Variants in INPP5A observed in about 807,000 individuals in gnomAD.
The protein encoded by INPP5A is 43 kDa inositol polyphosphate 5-phophatase.
A neutral mutation model predicts 65.2 loss-of-function variants in INPP5A; 14 were observed. The observed-to-expected ratio is 0.21, with a 90% CI of 0.14 to 0.34. INPP5A has a LOEUF of 0.34. Ranked by LOEUF, INPP5A falls within the 10% of genes least tolerant of loss-of-function variation. The probability of loss-of-function intolerance (pLI) is 1.00; values close to 1 mark genes in which losing one functional copy is unlikely to be tolerated. For synonymous variants in INPP5A, 207 were observed against 208.3 expected (o/e 0.99, Z 0.05); for missense variants, 431 against 545.6 (o/e 0.79, Z 2.09).
At chr10:132,736,127 C>T (rs1286893992) in intron 9 of INPP5A, among the ~76,000 whole-genome samples, 3 of 152,258 alleles carry the variant, frequency 2.0e-5, no homozygotes, top group Non-Finnish European at 4.4e-5. Context: ...ACACGCCAGT[C>T]GTGTGCCATC....
rs1276715265 is a variant in INPP5A, at chr10:132,538,254, C to T, written c.75+83C>T. On this transcript the variant is annotated intron_variant, in intron 1 of 15. Transcript: ENST00000368594. This position sits in a 1 kb window ranked among gnomAD's most constrained non-coding sequence, Gnocchi z 4.1. Reference sequence around the variant, plus strand: ...GGGTCCCGAACTGCAAGCCTTGGACCCTGGACCGTGAACCTCCAGACCCAG... The same window carrying T: ...GGGTCCCGAACTGCAAGCCTTGGACTCTGGACCGTGAACCTCCAGACCCAG... The T allele has an allele frequency of 1.6e-5, 13 of 812,648 alleles. No individual in the cohort carries two copies. Among genetic ancestry groups the T allele is most frequent in the Middle Eastern group, 3.4e-4 (1 of 2,930 alleles). The allele number at this position is 812,648 out of a possible 1,614,324, so 50.3% of individuals were successfully genotyped here. A position where few individuals can be genotyped will look rare whatever the true frequency, so the allele number is the denominator to read the frequency against.
At chr10:132,681,396 C>T (rs1280629773) in intron 4 of INPP5A, among the ~76,000 whole-genome samples, 6 of 152,082 alleles carry the variant, frequency 3.9e-5, no homozygotes, top group East Asian at 1.9e-4. Context: ...ACACTCACCG[C>T]GAAGATCTGC....
chr10:132,661,138 G>T (rs915664142), intron 4 of INPP5A, among the ~76,000 whole-genome samples: 1 of 152,148 alleles, frequency 6.6e-6, no homozygotes, highest in Non-Finnish European at 1.5e-5. Flanking sequence ...CCAGCTGCAT[G>T]CTCCCACCTC....
intron 1 of INPP5A, among the ~76,000 whole-genome samples, chr10:132,577,381 G>A (rs2071423431): frequency 1.3e-5 from 2 of 152,218 alleles, no homozygotes; most frequent in Non-Finnish European, 2.9e-5. Flanking sequence ...AAAGGTGGTG[G>A]GGTACCTGGC....
intron 8 of INPP5A, 118 bp downstream of exon 8, chr10:132,710,574 G>A (rs111857072): frequency 1.5e-6 from 2 of 1,360,396 alleles, no homozygotes; most frequent in South Asian, 1.4e-5. Context: ...GTCGGTGTGG[G>A]TGGACAGGTA....
At chr10:132,709,805 C>G (rs1302408689) in intron 7 of INPP5A, among the ~76,000 whole-genome samples, 1 of 152,222 alleles carries the variant, frequency 6.6e-6, no homozygotes, top group Non-Finnish European at 1.5e-5. Context: ...GCTGAGGGTC[C>G]CCTGCAGTGT....
At chr10:132,669,813 A>G (rs1216242762) in intron 4 of INPP5A, among the ~76,000 whole-genome samples, 3 of 151,860 alleles carry the variant, frequency 2.0e-5, no homozygotes, top group Non-Finnish European at 2.9e-5. Context: ...CTGGAAGGGC[A>G]TTGTTCCCGT....
Position 132,603,111 on chromosome 10 carries a change from G to A in INPP5A, c.76-4804G>A, listed in dbSNP as rs745599960. Among the ~76,000 whole-genome samples the A allele has an allele frequency of 6.6e-6, 1 of 152,170 alleles. No homozygotes were observed. The highest frequency in any genetic ancestry group is 1.5e-5 in the Non-Finnish European group (1 of 68,032). Reference sequence around the variant, plus strand: ...AATTAATGCCTCTTCCCTCAACAGTGTGAAATGCCTCAATCTCTCCTGCTG... The same window carrying A: ...AATTAATGCCTCTTCCCTCAACAGTATGAAATGCCTCAATCTCTCCTGCTG... On this transcript the variant is annotated intron_variant, in intron 1 of 15. Coordinates refer to ENST00000368594, the MANE Select transcript of INPP5A (RefSeq NM_005539.5). The surrounding 1 kb of genome is among the most constrained non-coding windows in gnomAD (Gnocchi z 4.2).
At chr10:132,730,242 C>T (rs761316839) in intron 9 of INPP5A, among the ~76,000 whole-genome samples, 2 of 152,226 alleles carry the variant, frequency 1.3e-5, no homozygotes, top group Non-Finnish European at 1.5e-5. Context: ...TGCCCTGGAC[C>T]GGCCAGGCCC....
chr10:132,657,939 G>C (rs2072681212), intron 4 of INPP5A, among the ~76,000 whole-genome samples: 1 of 152,228 alleles, frequency 6.6e-6, no homozygotes, highest in African/African-American at 2.4e-5. Context: ...TCTCCTCAGC[G>C]GGCAGGTAAT....
chr10:132,736,302 C>T (rs763739270), intron 9 of INPP5A, among the ~76,000 whole-genome samples: 4 of 152,250 alleles, frequency 2.6e-5, no homozygotes, highest in Non-Finnish European at 4.4e-5. Context: ...CAGGCGCACC[C>T]GTCTCCACGC....
At chr10:132,629,127 T>G (rs2072231794) in intron 2 of INPP5A, among the ~76,000 whole-genome samples, 1 of 152,200 alleles carries the variant, frequency 6.6e-6, no homozygotes, top group Non-Finnish European at 1.5e-5. Context: ...GGCCTCTGGG[T>G]GCCGAGGGTG....
chr10:132,656,276 A>C (rs555166584), intron 4 of INPP5A, among the ~76,000 whole-genome samples: 95 of 152,108 alleles, frequency 6.2e-4, no homozygotes, highest in African/African-American at 2.1e-3. Context: ...GGAAAGCCCC[A>C]CTCTCCTCTT....
intron 9 of INPP5A, among the ~76,000 whole-genome samples, chr10:132,746,382 T>A (rs1846372204): frequency 6.6e-6 from 1 of 152,236 alleles, no homozygotes; most frequent in South Asian, 2.1e-4. Context: ...GAGGGGGTGA[T>A]GGGACAGATT....
chr10:132,628,432 G>A (rs140609979), intron 2 of INPP5A, among the ~76,000 whole-genome samples: 1,182 of 111,968 alleles, frequency 0.011, 18 homozygotes, highest in African/African-American at 0.036. Flanking sequence ...TATGGTGGCC[G>A]CCCCCTCTCC....
intron 2 of INPP5A, among the ~76,000 whole-genome samples, chr10:132,640,416 T>C (rs945944): frequency 0.9 from 137,641 of 152,338 alleles, 62,252 homozygotes; most frequent in East Asian, 1. Flanking sequence ...CTAGCCTGGG[T>C]TTCTTTCTGT....
At chr10:132,543,225 C>T (rs1480644050) in intron 1 of INPP5A, among the ~76,000 whole-genome samples, 2 of 152,132 alleles carry the variant, frequency 1.3e-5, no homozygotes, top group Non-Finnish European at 2.9e-5. Context: ...GCTGCATTAG[C>T]ACCCAAGCCC....
At chr10:132,683,511 C>T (rs188421340) in intron 4 of INPP5A, among the ~76,000 whole-genome samples, 5 of 152,306 alleles carry the variant, frequency 3.3e-5, no homozygotes, top group South Asian at 2.1e-4. Context: ...GTGGAGGGTG[C>T]GTGTCTGCAG....
intron 9 of INPP5A, among the ~76,000 whole-genome samples, chr10:132,745,001 C>G (rs1278805405): frequency 6.6e-6 from 1 of 152,208 alleles, no homozygotes; most frequent in Non-Finnish European, 1.5e-5. Flanking sequence ...CCCGCCTCTC[C>G]CGTGGCACAG....
Sources: gnomAD v4.1 joint callset for allele counts (sites outside exome capture counted in the v4.1 genomes callset) on GRCh38, gnomAD v4.1.1 for gene constraint, Gnocchi (gnomAD v3.1) non-coding constraint, MANE v1.5 for transcripts, NCBI Gene and HGNC (gene_info 2026-07-23, HGNC 2026-07-21) for gene names.